The following GULP1 variants were observed in gnomAD, a reference collection of about 807,000 sequenced individuals.
The protein encoded by GULP1 is PTB domain-containing engulfment adapter protein 1.
In GULP1, 19 loss-of-function variants were observed where a neutral mutation model predicts 40.9. That is an observed-to-expected ratio of 0.46 (90% confidence interval 0.32 to 0.68). The LOEUF is 0.68. GULP1 is among the 30% of genes least tolerant of loss of function. GULP1 has a pLI of 0.03. For synonymous variants in GULP1, 119 were observed against 117.6 expected, an observed-to-expected ratio of 1.01 and a Z score of -0.08; for missense variants, 312 against 362.2, an observed-to-expected ratio of 0.86 and a Z score of 1.12.
chr2:188,457,120 A>G (rs2059333332), intron 2 of GULP1, among the ~76,000 whole-genome samples: 1 of 152,086 alleles, frequency 6.6e-6, no homozygotes, highest in African/African-American at 2.4e-5. Flanking sequence ...GGCAGAAGGG[A>G]CTTGCCTTAT....
At chr2:188,445,924 T>C (rs2058345145) in intron 2 of GULP1, among the ~76,000 whole-genome samples, 1 of 152,184 alleles carries the variant, frequency 6.6e-6, no homozygotes, top group Non-Finnish European at 1.5e-5. Context: ...CAGCCTCTGT[T>C]GCAGGGACTG....
intron 4 of GULP1, among the ~76,000 whole-genome samples, chr2:188,501,243 CTCATGA>C (rs1185036787): frequency 6.6e-6 from 1 of 151,804 alleles, no homozygotes. Flanking sequence ...CCATGCTGTT[CTCATGA>C]TAGTGAGTTC....
intron 1 of GULP1, among the ~76,000 whole-genome samples, chr2:188,358,529 G>T (rs1285904738): frequency 3.3e-5 from 5 of 152,116 alleles, no homozygotes; most frequent in Admixed American, 3.3e-4. Flanking sequence ...AACATTTGAG[G>T]TGATGGATAT....
At chr2:188,443,562 G>A (rs1026973152) in intron 2 of GULP1, among the ~76,000 whole-genome samples, 1 of 152,030 alleles carries the variant, frequency 6.6e-6, no homozygotes, top group African/African-American at 2.4e-5. Context: ...CACTCATCTA[G>A]AACAGTATTT....
intron 2 of GULP1, among the ~76,000 whole-genome samples, chr2:188,421,575 A>G (rs1319815344): frequency 6.6e-6 from 1 of 152,152 alleles, no homozygotes; most frequent in African/African-American, 2.4e-5. Flanking sequence ...TGAGTGCCCA[A>G]TATGTGTCAG....
intron 1 of GULP1, among the ~76,000 whole-genome samples, chr2:188,340,601 T>C (rs1193069584): frequency 6.6e-6 from 1 of 152,142 alleles, no homozygotes; most frequent in Non-Finnish European, 1.5e-5. Context: ...ATGACTTAAG[T>C]GTTAAATAGC....
At chr2:188,469,974 G>T (rs570471419) in intron 2 of GULP1, among the ~76,000 whole-genome samples, 8 of 152,150 alleles carry the variant, frequency 5.3e-5, no homozygotes, top group South Asian at 2.1e-4. Flanking sequence ...CTGTGTTGAG[G>T]ATTTTTGCAT....
At chr2:188,478,853 G>A (rs376047082) in intron 3 of GULP1, among the ~76,000 whole-genome samples, 1 of 152,126 alleles carries the variant, frequency 6.6e-6, no homozygotes, top group African/African-American at 2.4e-5. Flanking sequence ...GTATCAGGCA[G>A]TTGGGCACTG....
rs2049358387 is a variant in GULP1 at position 188,384,162 on chromosome 2, A to G, written c.-45+273A>G. On this transcript the variant is annotated intron_variant, in intron 2 of 11. Coordinates refer to ENST00000409830, the MANE Select transcript of GULP1 (RefSeq NM_016315.4). ...ACAATGATAGTATTATATTTAGTTG[A>G]TTTTCATGCAACTGATAAAGACATA... is the stretch of plus-strand genomic sequence containing the variant. 3 of 152,108 alleles carry G rather than the reference A, an allele frequency of 2.0e-5. No homozygotes were observed. In the South Asian group the frequency reaches 6.2e-4, roughly 32 times the overall value. 9.4% of individuals were successfully genotyped at this position (152,108 alleles called of 1,614,324 possible). A position where few individuals can be genotyped will look rare whatever the true frequency, so the allele number is the denominator to read the frequency against.
intron 2 of GULP1, among the ~76,000 whole-genome samples, chr2:188,447,387 C>T (rs2058481043): frequency 6.6e-6 from 1 of 152,132 alleles, no homozygotes; most frequent in South Asian, 2.1e-4. Context: ...TTGGATTGCC[C>T]TGGCCGAGAG....
At chr2:188,358,397 GA>G (rs771111799) in intron 1 of GULP1, among the ~76,000 whole-genome samples, 1 of 152,108 alleles carries the variant, frequency 6.6e-6, no homozygotes, top group Non-Finnish European at 1.5e-5. Context: ...CAGTTAGATA[GA>G]AGGAAAAAGT....
At chr2:188,552,272 A>G (rs979257086) in intron 7 of GULP1, among the ~76,000 whole-genome samples, 1 of 151,302 alleles carries the variant, frequency 6.6e-6, no homozygotes, top group Non-Finnish European at 1.5e-5. Context: ...TTTTCCTTAG[A>G]TTTTCTTTTA....
intron 1 of GULP1, among the ~76,000 whole-genome samples, chr2:188,369,525 G>T (rs764852102): frequency 1.3e-5 from 2 of 152,078 alleles, no homozygotes; most frequent in Non-Finnish European, 2.9e-5. Flanking sequence ...CGTAACTAGT[G>T]TGGCTCTTCT....
intron 4 of GULP1, among the ~76,000 whole-genome samples, chr2:188,487,330 A>G (rs1373323395): frequency 1.3e-5 from 2 of 152,050 alleles, no homozygotes; most frequent in African/African-American, 2.4e-5. Context: ...TTTAAGATAT[A>G]CAAAAATGCA....
At chr2:188,522,313 A>C (rs948722485) in intron 4 of GULP1, among the ~76,000 whole-genome samples, 12 of 152,120 alleles carry the variant, frequency 7.9e-5, no homozygotes, top group African/African-American at 2.7e-4. Flanking sequence ...AAGTGGGGAG[A>C]GACGTGAGAA....
rs534495642 is a variant in GULP1, at chr2:188,320,080, C to G, written c.-172+27914C>G. On this transcript the variant is annotated intron_variant, in intron 1 of 11. Coordinates refer to ENST00000409830, the MANE Select transcript of GULP1 (RefSeq NM_016315.4). Reference sequence around the variant, plus strand: ...CTAGTTGTGATAAGGCAAAATGTCTCTAGATGTTGTCAAATGTCCCTGGGA... The same window carrying G: ...CTAGTTGTGATAAGGCAAAATGTCTGTAGATGTTGTCAAATGTCCCTGGGA... 1.2e-4 allele frequency among the ~76,000 whole-genome samples: 19 copies of G among 152,172 alleles called. No individual in the cohort carries two copies. The East Asian group carries it at 3.5e-3, about 28-fold the overall frequency.
intron 2 of GULP1, among the ~76,000 whole-genome samples, chr2:188,456,616 C>T (rs1314985538): frequency 6.6e-6 from 1 of 152,170 alleles, no homozygotes; most frequent in Non-Finnish European, 1.5e-5. Context: ...GTGGGGTCAT[C>T]ATGGATAACC....
At chr2:188,556,731 T>TG (rs1482311635) in intron 7 of GULP1, among the ~76,000 whole-genome samples, 1 of 152,144 alleles carries the variant, frequency 6.6e-6, no homozygotes, top group African/African-American at 2.4e-5. Context: ...GCTAAACCAC[T>TG]CATTAGAAAT....
chr2:188,578,706 C>T (rs1449463962), intron 9 of GULP1, among the ~76,000 whole-genome samples: 1 of 151,992 alleles, frequency 6.6e-6, no homozygotes, highest in Admixed American at 6.6e-5. Flanking sequence ...GTGCATGTTC[C>T]TAAAGACCAA....
Sources: allele counts gnomAD v4.1 joint callset (sites outside exome capture counted in the v4.1 genomes callset), GRCh38; gene constraint gnomAD v4.1.1; transcripts MANE v1.5; gene names NCBI Gene and HGNC (gene_info 2026-07-23, HGNC 2026-07-21).